The following SLC39A4 variants were observed in gnomAD, a reference collection of about 807,000 sequenced individuals.
SLC39A4 encodes solute carrier family 39 member 4.
SLC39A4 carries 49 observed loss-of-function variants against 56.6 expected under a neutral mutation model. The observed-to-expected ratio is 0.87, with a 90% CI of 0.69 to 1.10. The LOEUF is 1.10. Ranked by LOEUF, SLC39A4 falls within the 50% of genes least tolerant of loss-of-function variation. SLC39A4 has a pLI of 0.00. For missense variants in SLC39A4, 993 were observed against 864.2 expected (o/e 1.15, Z -1.87); for synonymous variants, 540 against 420.4 (o/e 1.28, Z -3.48).
intron 10 of SLC39A4, 110 bp from the exon 11 acceptor site, chr8:144,413,056 C>CCCCGCCCAGCCGTCAGAT (rs1554872155): frequency 8.1e-6 from 12 of 1,477,016 alleles, no homozygotes; most frequent in Admixed American, 2.0e-5. Context: ...TTCCCGGTCT[C>CCCCGCCCAGCCGTCAGAT]CCCGCCCAGC....
Position 144,416,030 on chromosome 8 carries a change from C to T in SLC39A4, c.254G>A (p.Gly85Asp), listed in dbSNP as rs540195374. 5.7e-6 allele frequency: 9 copies of T among 1,579,748 alleles called. No individual in the cohort carries two copies. The African/African-American group carries it at 8.0e-5, about 14-fold the overall frequency. ...GEPEGSGLPP[G>D]PVLEARYVAR... ...GACGTACCTGGCCTCCAGGACCGGG[C>T]CCGGGGGCAGCCCTGACCCCTCAGG... is the stretch of plus-strand genomic sequence containing the variant. Residue 85 changes from glycine (G) to aspartate (D), a missense_variant, in exon 2 of 12, where the codon GGC (glycine) becomes GAC (aspartate). By Grantham distance (94) the Gly-to-Asp change is moderately conservative. Coordinates refer to ENST00000301305, the MANE Select transcript of SLC39A4 (RefSeq NM_130849.4).
chr8:144,416,243 A>G, intron 1 of SLC39A4, 152 bp from the exon 2 acceptor site: 1 of 1,572,844 alleles, frequency 6.4e-7, no homozygotes, highest in Admixed American at 1.8e-5. Context: ...CCGTCTCCCC[A>G]GGCCCCTGTC....
At position 144,413,224 on chromosome 8, in the gene SLC39A4, C is replaced by T. The variant is rs1554872217; in HGVS notation, c.1627+13G>A. On this transcript the variant is annotated intron_variant, in intron 10 of 11. Coordinates refer to ENST00000301305, the MANE Select transcript of SLC39A4 (RefSeq NM_130849.4). ...GCCCCGCCCATCTCCTTCCAGGCCC[C>T]GCCTGCGCTCACCCAGCTCGTGTGG... 2 of 1,558,412 alleles carry T rather than the reference C, an allele frequency of 1.3e-6. No homozygotes were observed. The highest frequency in any genetic ancestry group is 1.2e-5 in the South Asian group (1 of 85,604).
intron 8 of SLC39A4, 22 bp from the exon 9 acceptor site, chr8:144,413,589 T>G (rs2130795191): frequency 6.5e-7 from 1 of 1,549,868 alleles, no homozygotes; most frequent in East Asian, 2.4e-5. Context: ...CTTGAGTAAG[T>G]CCCGCCCGGA....
chr8:144,415,140 T>C (rs782308428), intron 3 of SLC39A4, 30 bp from the exon 4 acceptor site: 4 of 1,612,522 alleles, frequency 2.5e-6, no homozygotes, highest in Middle Eastern at 1.7e-4. Flanking sequence ...GCACCGCGAG[T>C]CTGTGTGGGC....
intron 5 of SLC39A4, 78 bp downstream of exon 5, chr8:144,414,647 A>G (rs937912819): frequency 6.4e-5 from 102 of 1,584,254 alleles, no homozygotes; most frequent in Non-Finnish European, 1.1e-5. Context: ...TCCATCCCTC[A>G]TCCTGGGCAG....
Position 144,412,594 on chromosome 8 carries a change from C to T in SLC39A4, c.1888G>A (p.Gly630Ser), listed in dbSNP as rs1554871810. The change falls in exon 12 of 12, where the codon GGC becomes AGC. Residue 630 changes from glycine (G) to serine (S), a missense_variant. Gly to Ser is a moderately conservative substitution (Grantham distance 56). Coordinates refer to ENST00000301305, the MANE Select transcript of SLC39A4 (RefSeq NM_130849.4). ...AGCAGCAGCAGGACGGTCCAGCCGC[C>T]CAGCAGGCCCACGTTGTGCAGCAGG... The part of the protein sequence containing the change: ...LFLLHNVGLL[G>S]GWTVLLLLSL... 5 of 1,614,186 alleles carry T rather than the reference C, an allele frequency of 3.1e-6. No homozygotes were observed. The highest frequency in any genetic ancestry group is 4.2e-6 in the Non-Finnish European group (5 of 1,180,042).
intron 2 of SLC39A4, 34 bp from the exon 3 acceptor site, chr8:144,415,453 G>A (rs782490449): frequency 6.4e-7 from 1 of 1,567,032 alleles, no homozygotes; most frequent in African/African-American, 1.3e-5. Context: ...TCAGCCTTTG[G>A]TGTGACCTTC....
In SLC39A4 at chr8:144,416,579, C is replaced by A. The variant is rs368996660; in HGVS notation, c.192+19G>T. 3 of 1,561,060 alleles carry A rather than the reference C, an allele frequency of 1.9e-6. No homozygotes were observed. The highest frequency in any genetic ancestry group is 2.6e-6 in the Non-Finnish European group (3 of 1,154,218). On this transcript the variant is annotated intron_variant, in intron 1 of 11. Coordinates refer to ENST00000301305, the MANE Select transcript of SLC39A4 (RefSeq NM_130849.4). ...GGGAAGAGGCCAGGGCTGGGGGACC[C>A]GTCGGGTGGGGCTGTTACCTTTCCA...
At chr8:144,415,722 T>C in intron 2 of SLC39A4, 88 bp downstream of exon 2, 2 of 1,449,038 alleles carry the variant, frequency 1.4e-6, no homozygotes, top group South Asian at 1.4e-5. Context: ...GCCCCCAGGC[T>C]CCCCGAAGGC....
At chr8:144,413,128 G>T in intron 10 of SLC39A4, 109 bp downstream of exon 10, 1 of 1,297,584 alleles carries the variant, frequency 7.7e-7, no homozygotes, top group Non-Finnish European at 1.0e-6. Context: ...TCCCCACCCA[G>T]CCAGGTGCGG....
At chr8:144,412,972 T>C in intron 10 of SLC39A4, 26 bp from the exon 11 acceptor site, 2 of 1,568,804 alleles carry the variant, frequency 1.3e-6, no homozygotes, top group South Asian at 2.3e-5. Flanking sequence ...CATTAACAGC[T>C]CCGCCCTCCT....
At chr8:144,416,566 G>A (rs1490901874) in intron 1 of SLC39A4, 32 bp downstream of exon 1, 2 of 1,552,104 alleles carry the variant, frequency 1.3e-6, no homozygotes, top group South Asian at 2.4e-5. Flanking sequence ...GAAGAGGCCA[G>A]GGCTGGGGGA....
At chr8:144,414,170 G>T in intron 6 of SLC39A4, 75 bp from the exon 7 acceptor site, 3 of 1,568,186 alleles carry the variant, frequency 1.9e-6, no homozygotes, top group East Asian at 4.6e-5. Context: ...GAGGGGTCAG[G>T]AGGTGGGGTG....
At chr8:144,414,151 A>G (rs1291495464) in intron 6 of SLC39A4, 56 bp from the exon 7 acceptor site, 27 of 1,559,356 alleles carry the variant, frequency 1.7e-5, no homozygotes, top group Non-Finnish European at 2.3e-5. Context: ...TCCCACCAAG[A>G]CCCAGGGAGA....
At chr8:144,413,048 C>G in intron 10 of SLC39A4, 102 bp from the exon 11 acceptor site, 3 of 1,443,454 alleles carry the variant, frequency 2.1e-6, no homozygotes, top group Non-Finnish European at 2.8e-6. Context: ...CCCACCTGTT[C>G]CCGGTCTCCC....
rs200139255 is a variant in SLC39A4, at chr8:144,412,724, C to T, written c.1815+35G>A. 430 of 1,613,310 alleles carry T rather than the reference C, an allele frequency of 2.7e-4. 4 individuals are homozygous for T. The Middle Eastern group carries it at 5.8e-3, about 22-fold the overall frequency. On this transcript the variant is annotated intron_variant, in intron 11 of 11. Transcript: ENST00000301305. ...CTGCTCAGCTCCTCTGCTCAGCTCC[C>T]GGCCCAGAGCAGCCCCTCCCCTCGC... is the stretch of plus-strand genomic sequence containing the variant.
chr8:144,413,623 C>CGGGGCGGGGCCCCAGATCACCGCGG (rs1822006436), intron 8 of SLC39A4, 56 bp from the exon 9 acceptor site: 1 of 1,547,262 alleles, frequency 6.5e-7, no homozygotes, highest in African/African-American at 1.4e-5. Context: ...CGCGGTGGGG[C>CGGGGCGGGGCCCCAGATCACCGCGG]GGGGCGGGGC....
chr8:144,413,507 G>T lies in SLC39A4; in HGVS notation c.1474+6C>A, dbSNP rs535100369. ...CAGCCCTTCCGGGGTCGCCCCCTGG[G>T]CTCACCTGGGCTCAGTCTCCTGGGC... On this transcript the variant is annotated splice_donor_region_variant and intron_variant, in intron 9 of 11. Transcript: ENST00000301305. 3 of 1,556,182 alleles carry T rather than the reference G, an allele frequency of 1.9e-6. No homozygotes were observed. In the African/African-American group the frequency reaches 4.1e-5, roughly 21 times the overall value.
Sources: gnomAD v4.1 joint callset for allele counts on GRCh38, gnomAD v4.1.1 for gene constraint, MANE v1.5 for transcripts, NCBI Gene and HGNC (gene_info 2026-07-23, HGNC 2026-07-21) for gene names.